Variants in COL22A1 observed in about 807,000 individuals in gnomAD.
COL22A1 encodes collagen type XXII alpha 1 chain.
A neutral mutation model predicts 248.9 loss-of-function variants in COL22A1; 221 were observed. The ratio of observed to expected loss-of-function variants is 0.89; its 90% CI spans 0.80 to 0.99. The LOEUF is 0.99. Ranked by LOEUF, COL22A1 falls within the 50% of genes least tolerant of loss-of-function variation. COL22A1 has a pLI of 0.00. For missense variants in COL22A1, 2,240 were observed against 2,179.0 expected, an observed-to-expected ratio of 1.03 and a Z score of -0.56; for synonymous variants, 891 against 793.4, an observed-to-expected ratio of 1.12 and a Z score of -2.07.
chr8:138,655,488 C>T (rs1263856568), intron 45 of COL22A1, among the ~76,000 whole-genome samples: 3 of 152,138 alleles, frequency 2.0e-5, no homozygotes, highest in African/African-American at 7.2e-5. Context: ...CCTCCTGAGT[C>T]GCTGGGACCA....
intron 25 of COL22A1, among the ~76,000 whole-genome samples, chr8:138,723,172 G>T (rs1199303279): frequency 6.6e-6 from 1 of 152,142 alleles, no homozygotes; most frequent in Non-Finnish European, 1.5e-5. Context: ...AGAGCTATTA[G>T]TGCTGTTCAA....
Position 138,616,925 on chromosome 8 carries a change from G to T in COL22A1, c.3859C>A (p.Pro1287Thr), listed in dbSNP as rs769215973. 3.1e-6 allele frequency: 5 copies of T among 1,614,198 alleles called. No homozygotes were observed. Among genetic ancestry groups the T allele is most frequent in the Non-Finnish European group, 4.2e-6 (5 of 1,180,042 alleles). Residue 1287 changes from proline (P) to threonine (T), a missense_variant, in exon 54 of 65, where the codon CCC becomes ACC. Transcript: ENST00000303045. ...AGGCGCCCACTTACCCGGGGACCGG[G>T]TGCACCAGAATCGCCTGTGTGTCCC... ...FKGHTGDSGAPGPRGESGAMG... is the reference protein window; with the variant it reads ...FKGHTGDSGATGPRGESGAMG...
chr8:138,634,927 A>C, intron 49 of COL22A1, 83 bp downstream of exon 49: 1 of 932,818 alleles, frequency 1.1e-6, no homozygotes, highest in Non-Finnish European at 1.7e-6. Flanking sequence ...AGATATGCTC[A>C]GTGTCATACC....
intron 22 of COL22A1, among the ~76,000 whole-genome samples, chr8:138,743,944 T>C (rs929808714): frequency 2.6e-4 from 39 of 152,174 alleles, no homozygotes; most frequent in East Asian, 3.9e-4. Context: ...AAAGGATTGC[T>C]TGTGCAACTG....
At chr8:138,595,846 G>T (rs775941349) in intron 62 of COL22A1, among the ~76,000 whole-genome samples, 4 of 151,924 alleles carry the variant, frequency 2.6e-5, no homozygotes, top group Non-Finnish European at 5.9e-5. Context: ...AGTAGTTATG[G>T]ATTTCTCTTC....
At chr8:138,887,370 T>C (rs6577957) in intron 1 of COL22A1, among the ~76,000 whole-genome samples, 119,753 of 151,910 alleles carry the variant, frequency 0.79, 48,291 homozygotes, top group East Asian at 0.99. Context: ...ATTACAGGTG[T>C]CTGCCACCAC....
At chr8:138,829,971 C>A (rs532630782) in intron 5 of COL22A1, among the ~76,000 whole-genome samples, 10 of 152,186 alleles carry the variant, frequency 6.6e-5, no homozygotes, top group African/African-American at 2.4e-4. Flanking sequence ...TATACCTACA[C>A]GTGTGTTTAT....
intron 1 of COL22A1, among the ~76,000 whole-genome samples, chr8:138,896,083 T>C (rs1266986846): frequency 6.6e-6 from 1 of 152,098 alleles, no homozygotes; most frequent in Non-Finnish European, 1.5e-5. Flanking sequence ...AAAGATAATC[T>C]CATAAGAAGG....
chr8:138,830,582 G>C (rs1265337344), intron 5 of COL22A1, among the ~76,000 whole-genome samples: 1 of 152,186 alleles, frequency 6.6e-6, no homozygotes, highest in East Asian at 1.9e-4. Context: ...ACAGGAAGGA[G>C]CCAAATCCGT....
intron 3 of COL22A1, among the ~76,000 whole-genome samples, chr8:138,868,612 G>A (rs558964388): frequency 3.3e-5 from 5 of 152,280 alleles, no homozygotes; most frequent in East Asian, 3.9e-4. Context: ...AATACATCAT[G>A]TGTGTAAATG....
chr8:138,806,021 G>GT (rs60051918), intron 10 of COL22A1, among the ~76,000 whole-genome samples: 42 of 4,258 alleles, frequency 9.9e-3, no homozygotes, highest in Middle Eastern at 0.12. Flanking sequence ...TGTAGGTAAT[G>GT]GTGTGTGGTT....
chr8:138,778,810 A>T (rs1814709662), intron 14 of COL22A1, among the ~76,000 whole-genome samples: 1 of 152,136 alleles, frequency 6.6e-6, no homozygotes, highest in Admixed American at 6.5e-5. Context: ...GTGGCTCATC[A>T]TTCACACTTT....
In COL22A1 at chr8:138,878,276, G is replaced by A. The variant is rs757213241; in HGVS notation, c.132C>T (p.Asp44=). The part of the protein sequence containing the change: ...SVHYDLVFLL[D]TSSSVGKEDF... ...CCTCCTTGCCCACGCTGGAGGAGGT[G>A]TCCAGGAGGAAGACCAGATCGTAGT... The change falls in exon 3 of 65, where the codon GAC becomes GAT. Residue 44 remains aspartate, a synonymous_variant. Transcript: ENST00000303045. 3.8e-6 allele frequency: 6 copies of A among 1,578,558 alleles called. No homozygotes were observed. Among genetic ancestry groups the A allele is most frequent in the Non-Finnish European group, 4.3e-6 (5 of 1,162,006 alleles).
intron 26 of COL22A1, among the ~76,000 whole-genome samples, chr8:138,721,517 CTTA>C (rs970366975): frequency 1.4e-4 from 22 of 152,174 alleles, no homozygotes; most frequent in African/African-American, 5.3e-4. Flanking sequence ...ATTGAAATCT[CTTA>C]TTATGTTAGT....
intron 22 of COL22A1, among the ~76,000 whole-genome samples, chr8:138,739,492 T>A (rs1831390020): frequency 6.6e-6 from 1 of 152,228 alleles, no homozygotes; most frequent in Non-Finnish European, 1.5e-5. Context: ...GCTGCCGTAA[T>A]TTCCTTAGTG....
chr8:138,698,045 G>A (rs905752717), intron 32 of COL22A1, among the ~76,000 whole-genome samples: 3 of 152,226 alleles, frequency 2.0e-5, no homozygotes, highest in Non-Finnish European at 4.4e-5. Flanking sequence ...CTTCCCAGTG[G>A]AATGCTCTGG....
At chr8:138,898,929 C>T (rs980955827) in intron 1 of COL22A1, among the ~76,000 whole-genome samples, 3 of 152,116 alleles carry the variant, frequency 2.0e-5, no homozygotes, top group Non-Finnish European at 2.9e-5. Context: ...TTTAAGAAAA[C>T]AAAAATACAA....
At chr8:138,744,358 T>A (rs1313679064) in intron 22 of COL22A1, among the ~76,000 whole-genome samples, 2 of 152,086 alleles carry the variant, frequency 1.3e-5, no homozygotes, top group Admixed American at 6.5e-5. Flanking sequence ...GTGTGCCCAG[T>A]GCATCCTATC....
chr8:138,693,240 G>A (rs1827229881), intron 35 of COL22A1, among the ~76,000 whole-genome samples: 1 of 152,152 alleles, frequency 6.6e-6, no homozygotes, highest in South Asian at 2.1e-4. Flanking sequence ...CTGCATCTGT[G>A]TGTTTGGGGC....
Sources: allele counts gnomAD v4.1 joint callset (sites outside exome capture counted in the v4.1 genomes callset), GRCh38; gene constraint gnomAD v4.1.1; transcripts MANE v1.5; gene names NCBI Gene and HGNC (gene_info 2026-07-23, HGNC 2026-07-21).